The following QPCT variants were observed in gnomAD, a reference collection of about 807,000 sequenced individuals.
The protein encoded by QPCT is EC.
In QPCT, 44 loss-of-function variants were observed where a neutral mutation model predicts 43.4. That is an observed-to-expected ratio of 1.01 (90% CI 0.80 to 1.30). The LOEUF (loss-of-function observed/expected upper bound fraction) is 1.30. Ranked by LOEUF, QPCT falls within the 50% of genes most tolerant of loss-of-function variation. The pLI, the probability that QPCT is intolerant of heterozygous loss-of-function variation, is 0.00. For synonymous variants in QPCT, 168 were observed against 168.4 expected, an observed-to-expected ratio of 1.00 and a Z score of 0.02; for missense variants, 526 against 436.5, an observed-to-expected ratio of 1.21 and a Z score of -1.83.
At chr2:37,370,998 T>C (rs1045108889) in intron 5 of QPCT, among the ~76,000 whole-genome samples, 3 of 152,142 alleles carry the variant, frequency 2.0e-5, no homozygotes, top group Admixed American at 2.0e-4. Flanking sequence ...CTTCTAACAG[T>C]GGGAAAAACA....
At chr2:37,360,013 G>A (rs1029035799) in intron 3 of QPCT, 155 bp downstream of exon 3, 164 of 827,562 alleles carry the variant, frequency 2.0e-4, no homozygotes, top group Non-Finnish European at 2.7e-4. Flanking sequence ...TTGCATGATT[G>A]GGAATATCAA....
At chr2:37,349,553 A>G (rs1459467205) in intron 1 of QPCT, among the ~76,000 whole-genome samples, 2 of 152,244 alleles carry the variant, frequency 1.3e-5, no homozygotes, top group Non-Finnish European at 2.9e-5. Context: ...TTCTATCCAC[A>G]GTGACCAGAT....
In QPCT at chr2:37,372,405, G is replaced by A. The variant is rs374776642; in HGVS notation, c.873G>A (p.Gly291=). 68 of 1,613,998 alleles carry A rather than the reference G, an allele frequency of 4.2e-5. 2 individuals are homozygous for A. In the South Asian group the frequency reaches 7.0e-4, roughly 17 times the overall value. ...LGLLKDHSLE[G]RYFQNYSYGG... ...TGCTCAAGGATCACTCTTTGGAGGG[G>A]CGGTATTTCCAGAATTACAGTTATG... Residue 291 remains glycine (G), a synonymous_variant, in exon 6 of 7, where the codon GGG becomes GGA. Coordinates refer to ENST00000338415, the MANE Select transcript of QPCT (RefSeq NM_012413.4).
intron 2 of QPCT, chr2:37,358,854 CT>C (rs1235135023): frequency 3.3e-5 from 5 of 152,196 alleles, no homozygotes; most frequent in African/African-American, 9.7e-5. Context: ...GAACCACCCC[CT>C]AGCTATGGGA....
chr2:37,361,178 C>T (rs1333267660), intron 3 of QPCT, among the ~76,000 whole-genome samples: 1 of 152,016 alleles, frequency 6.6e-6, no homozygotes, highest in African/African-American at 2.4e-5. Flanking sequence ...TTTTTGAATG[C>T]AGACTTTGAG....
At chr2:37,372,594 A>T (rs1286984423) in intron 6 of QPCT, 88 bp from the exon 7 acceptor site, 1 of 1,499,524 alleles carries the variant, frequency 6.7e-7, no homozygotes, top group Non-Finnish European at 9.2e-7. Context: ...TTTATGTGGT[A>T]CAGAGCTCCC....
chr2:37,370,500 A>C (rs893777718), intron 5 of QPCT, among the ~76,000 whole-genome samples: 2 of 152,222 alleles, frequency 1.3e-5, no homozygotes, highest in African/African-American at 4.8e-5. Flanking sequence ...TGATGTCCTT[A>C]TAATGATACC....
At chr2:37,347,944 A>G (rs1672537846) in intron 1 of QPCT, among the ~76,000 whole-genome samples, 1 of 152,252 alleles carries the variant, frequency 6.6e-6, no homozygotes, top group African/African-American at 2.4e-5. Flanking sequence ...AACTTGGAAA[A>G]TACAGAAAAA....
At chr2:37,358,438 C>CAACAAAACAA (rs143537953) in intron 2 of QPCT, among the ~76,000 whole-genome samples, 1,847 of 151,230 alleles carry the variant, frequency 0.012, 34 homozygotes, top group African/African-American at 0.043. Flanking sequence ...CCCTGTTAAA[C>CAACAAAACAA]AACAAAACAA....
rs34476437 is a variant in QPCT at position 37,372,720 on chromosome 2, G to C, written c.979G>C (p.Glu327Gln). 2.5e-6 allele frequency: 4 copies of C among 1,613,674 alleles called. No homozygotes were observed. Among genetic ancestry groups the C allele is most frequent in the Non-Finnish European group, 3.4e-6 (4 of 1,179,794 alleles). ...VLHLIPSPFP[E>Q]VWHTMDDNEE... Reference sequence around the variant, plus strand: ...GCATCTGATACCGTCTCCTTTCCCTGAAGTCTGGCACACCATGGATGACAA... The same window carrying C: ...GCATCTGATACCGTCTCCTTTCCCTCAAGTCTGGCACACCATGGATGACAA... Residue 327 changes from glutamate to glutamine, a missense_variant, in exon 7 of 7, where the codon GAA becomes CAA. Glu to Gln is a conservative substitution (Grantham distance 29, BLOSUM62 2). Transcript: ENST00000338415.
intron 2 of QPCT, among the ~76,000 whole-genome samples, chr2:37,356,289 G>A (rs968103847): frequency 2.0e-5 from 3 of 151,560 alleles, no homozygotes; most frequent in Non-Finnish European, 4.4e-5. Context: ...TCTCTACTCA[G>A]TCTCCATCTA....
intron 1 of QPCT, among the ~76,000 whole-genome samples, chr2:37,349,106 G>GA (rs1672568069): frequency 1.3e-5 from 2 of 152,236 alleles, no homozygotes; most frequent in Non-Finnish European, 2.9e-5. Flanking sequence ...GGCTTAAGTA[G>GA]TTGACTGAGT....
chr2:37,362,221 T>C lies in QPCT; in HGVS notation c.546+2363T>C, dbSNP rs571295934. Among the ~76,000 whole-genome samples the C allele has an allele frequency of 8.5e-5, 13 of 152,358 alleles. 3 individuals are homozygous for C. The South Asian group carries it at 2.7e-3, about 32-fold the overall frequency. Reference sequence around the variant, plus strand: ...CCCTGGGCATGAGCAGAATGCCTCTTGTCCCAACCGGTCCCGTTCTGCCCT... The same window carrying C: ...CCCTGGGCATGAGCAGAATGCCTCTCGTCCCAACCGGTCCCGTTCTGCCCT... On this transcript the variant is annotated intron_variant, in intron 3 of 6. Transcript: ENST00000338415.
In QPCT at chr2:37,352,838, C is replaced by G; in HGVS notation, c.170C>G (p.Ala57Gly). The stretch of plus-strand genomic sequence containing the variant: ...AATTCATCGGCTCTTCGGCAAATTG[C>G]AGAAGGCACCAGTATCTCTGAAATG... ...ILNSSALRQI[A>G]EGTSISEMWQ... is the part of the protein sequence containing the mutation. Residue 57 changes from alanine (A) to glycine (G), a missense_variant, in exon 2 of 7, where the codon GCA (alanine) becomes GGA (glycine). Ala to Gly is a moderately conservative substitution (Grantham distance 60). Transcript: ENST00000338415. 6.2e-7 allele frequency: 1 copy of G among 1,614,138 alleles called. No homozygotes were observed. Among genetic ancestry groups the G allele is most frequent in the Non-Finnish European group, 8.5e-7 (1 of 1,180,014 alleles).
intron 2 of QPCT, 26 bp from the exon 3 acceptor site, chr2:37,359,554 A>T (rs923571525): frequency 3.2e-6 from 5 of 1,580,090 alleles, no homozygotes; most frequent in Middle Eastern, 3.4e-4. Context: ...TTAGATCTAA[A>T]TTTTTTGTTT....
intron 1 of QPCT, among the ~76,000 whole-genome samples, chr2:37,346,503 G>T (rs1672491233): frequency 6.6e-6 from 1 of 152,172 alleles, no homozygotes; most frequent in African/African-American, 2.4e-5. Context: ...ACTCTGAAAA[G>T]ATCATTTGTA....
intron 3 of QPCT, among the ~76,000 whole-genome samples, chr2:37,366,844 G>A (rs1363463635): frequency 6.6e-6 from 1 of 152,210 alleles, no homozygotes; most frequent in Non-Finnish European, 1.5e-5. Flanking sequence ...CTCCCAGGAG[G>A]TGCAGCTGAG....
At position 37,352,858 on chromosome 2, in the gene QPCT, GA is replaced by G; in HGVS notation, c.193del (p.Met65CysfsTer10). On this transcript the variant is annotated frameshift_variant, in exon 2 of 7. Coordinates refer to ENST00000338415, the MANE Select transcript of QPCT (RefSeq NM_012413.4). LOFTEE classifies it high-confidence loss of function. ...AATTGCAGAAGGCACCAGTATCTCT[GA>G]AATGTGGCAAAATGACTTACAGCCA... ...RQIAEGTSIS[E>X]MWQNDLQPLL... is the part of the protein sequence containing the mutation. 6.2e-7 allele frequency: 1 copy of G among 1,614,200 alleles called. No homozygotes were observed.
chr2:37,368,281 C>A, intron 4 of QPCT: 1 of 245,414 alleles, frequency 4.1e-6, no homozygotes, highest in Admixed American at 5.1e-5. Flanking sequence ...CATTTTCATC[C>A]CCATTCCTGG....
Sources: allele counts gnomAD v4.1 joint callset (sites outside exome capture counted in the v4.1 genomes callset), GRCh38; gene constraint gnomAD v4.1.1; transcripts MANE v1.5; gene names NCBI Gene and HGNC (gene_info 2026-07-23, HGNC 2026-07-21).